The following PAX8 variants were observed in gnomAD, a reference collection of about 807,000 sequenced individuals.
PAX8 encodes the protein paired box protein Pax-8.
In PAX8, 15 loss-of-function variants were observed where a neutral mutation model predicts 52.4. The ratio of observed to expected loss-of-function variants is 0.29; its 90% CI spans 0.19 to 0.44. The LOEUF (loss-of-function observed/expected upper bound fraction) is 0.44. Among genes scored for constraint, PAX8 ranks in the 20% least tolerant of loss-of-function variants. The pLI is 1.00. For missense variants in PAX8, 554 were observed against 602.5 expected (o/e 0.92, Z 0.84); for synonymous variants, 284 against 249.7 (o/e 1.14, Z -1.29).
intron 5 of PAX8, among the ~76,000 whole-genome samples, chr2:113,242,399 G>A (rs1176217636): frequency 6.6e-6 from 1 of 152,114 alleles, no homozygotes; most frequent in African/African-American, 2.4e-5. Context: ...CATGGACTGA[G>A]CCCTGGAGGG....
chr2:113,270,760 G>A (rs1307780086), intron 2 of PAX8: 1 of 151,952 alleles, frequency 6.6e-6, no homozygotes, highest in Admixed American at 6.6e-5. Context: ...ATGTCCTAGT[G>A]GACTAATTAG....
chr2:113,257,092 T>A (rs1692318567), intron 2 of PAX8, among the ~76,000 whole-genome samples: 1 of 152,210 alleles, frequency 6.6e-6, no homozygotes, highest in Non-Finnish European at 1.5e-5. Flanking sequence ...TGATTTCAAG[T>A]TAATTAACTT....
At chr2:113,256,086 T>A (rs1337591597) in intron 2 of PAX8, among the ~76,000 whole-genome samples, 1 of 151,966 alleles carries the variant, frequency 6.6e-6, no homozygotes, top group African/African-American at 2.4e-5. Context: ...AGTCTTAAAA[T>A]CTGGTTTCCT....
chr2:113,266,631 C>A (rs1190218334), intron 2 of PAX8: 1 of 152,212 alleles, frequency 6.6e-6, no homozygotes, highest in East Asian at 1.9e-4. Context: ...TGTTCTGACA[C>A]TTGTCAGCAC....
At chr2:113,241,206 T>C (rs575993817) in intron 7 of PAX8, 8 of 424,266 alleles carry the variant, frequency 1.9e-5, no homozygotes, top group South Asian at 1.7e-4. Context: ...CTGAGGTCAT[T>C]ATGTGAAGGC....
At chr2:113,225,897 CT>C (rs1170912167) in intron 10 of PAX8, 49 of 976,400 alleles carry the variant, frequency 5.0e-5, no homozygotes, top group Admixed American at 6.4e-5. Flanking sequence ...ATAACCGAAT[CT>C]TTTCCTTTTT....
At chr2:113,230,703 C>T (rs527582075) in intron 9 of PAX8, 8 of 152,206 alleles carry the variant, frequency 5.3e-5, no homozygotes, top group Non-Finnish European at 1.2e-4. Context: ...GCTCCAATTG[C>T]TTAAATGCAT....
chr2:113,220,606 A>G (rs77143791), intron 10 of PAX8: 7,549 of 170,952 alleles, frequency 0.044, 274 homozygotes, highest in South Asian at 0.14. Flanking sequence ...GACCTTCTGG[A>G]GAAGGGCTCT....
intron 2 of PAX8, chr2:113,267,716 C>G (rs1314366270): frequency 6.6e-6 from 1 of 152,248 alleles, no homozygotes; most frequent in Non-Finnish European, 1.5e-5. Context: ...CTGCATTTCT[C>G]AGGGTCTCTG....
chr2:113,247,278 T>G (rs552278456), intron 2 of PAX8, among the ~76,000 whole-genome samples: 2 of 152,368 alleles, frequency 1.3e-5, no homozygotes, highest in African/African-American at 4.8e-5. Flanking sequence ...ATACCAATAC[T>G]GAGCCGTTTG....
chr2:113,238,657 C>T (rs1322669544), intron 7 of PAX8: 2 of 152,302 alleles, frequency 1.3e-5, no homozygotes, highest in East Asian at 1.9e-4. Context: ...AGAACTTCAG[C>T]GACTCTGAGC....
At chr2:113,271,950 T>C (rs754191477) in intron 2 of PAX8, 3 of 152,044 alleles carry the variant, frequency 2.0e-5, no homozygotes, top group Non-Finnish European at 2.9e-5. Flanking sequence ...CTTTCATTCA[T>C]TGAGAGCTCA....
At chr2:113,269,828 G>A (rs10864911) in intron 2 of PAX8, 65,149 of 152,046 alleles carry the variant, frequency 0.43, 14,119 homozygotes, top group African/African-American at 0.45. Flanking sequence ...TGTCTTAGCC[G>A]CACACACAGC....
At chr2:113,255,227 G>A (rs1692138061) in intron 2 of PAX8, among the ~76,000 whole-genome samples, 1 of 82,790 alleles carries the variant, frequency 1.2e-5, no homozygotes, top group East Asian at 4.8e-4. Flanking sequence ...AGGGGAGGAG[G>A]GAGGGGAGGA....
At chr2:113,220,335 T>C in intron 10 of PAX8, 157 bp from the exon 11 acceptor site, 2 of 639,540 alleles carry the variant, frequency 3.1e-6, no homozygotes, top group Non-Finnish European at 5.7e-6. Flanking sequence ...AGAAGGTCCC[T>C]CTGTCATCCC....
At chr2:113,240,231 C>G (rs1008654219) in intron 7 of PAX8, 1 of 152,320 alleles carries the variant, frequency 6.6e-6, no homozygotes. Context: ...ACCCCAGGCC[C>G]TCTCCCCATG....
chr2:113,242,982 C>T (rs1690990828), intron 4 of PAX8, among the ~76,000 whole-genome samples: 1 of 152,204 alleles, frequency 6.6e-6, no homozygotes, highest in African/African-American at 2.4e-5. Context: ...TACCATCAGT[C>T]ACTCAAGGCC....
chr2:113,224,186 G>C (rs1408945984), intron 10 of PAX8, among the ~76,000 whole-genome samples: 1 of 152,144 alleles, frequency 6.6e-6, no homozygotes, highest in Non-Finnish European at 1.5e-5. Context: ...AAAATAAAAG[G>C]ATTGATGGAA....
chr2:113,243,677 C>A (rs963403215), intron 4 of PAX8, among the ~76,000 whole-genome samples: 1 of 152,232 alleles, frequency 6.6e-6, no homozygotes. Flanking sequence ...CAGGCATGAG[C>A]CACTGCACCT....
Sources: gnomAD v4.1 joint callset for allele counts (sites outside exome capture counted in the v4.1 genomes callset) on GRCh38, gnomAD v4.1.1 for gene constraint, MANE v1.5 for transcripts, NCBI Gene and HGNC (gene_info 2026-07-23, HGNC 2026-07-21) for gene names.